The following SULT1B1 variants were observed in gnomAD, a reference collection of about 807,000 sequenced individuals.
The protein encoded by SULT1B1 is sulfotransferase 1B1.
Under a neutral mutation model 34.6 loss-of-function variants are expected in SULT1B1, and 28 were observed. The ratio of observed to expected loss-of-function variants is 0.81; its 90% CI spans 0.60 to 1.11. The LOEUF (loss-of-function observed/expected upper bound fraction) is 1.11. SULT1B1 is among the 50% of genes least tolerant of loss of function. The pLI, the probability that SULT1B1 is intolerant of heterozygous loss-of-function variation, is 0.00. For missense variants in SULT1B1, 374 were observed against 352.2 expected, an observed-to-expected ratio of 1.06 and a Z score of -0.50; for synonymous variants, 147 against 110.2, an observed-to-expected ratio of 1.33 and a Z score of -2.09.
intron 1 of SULT1B1, among the ~76,000 whole-genome samples, chr4:69,756,398 C>T (rs1232722390): frequency 6.6e-6 from 1 of 152,036 alleles, no homozygotes; most frequent in Non-Finnish European, 1.5e-5. Context: ...AGACATTTGG[C>T]CAAACACTAC....
At chr4:69,745,568 C>T (rs978286073) in intron 4 of SULT1B1, among the ~76,000 whole-genome samples, 1 of 152,154 alleles carries the variant, frequency 6.6e-6, no homozygotes, top group African/African-American at 2.4e-5. Flanking sequence ...ATATATTTCT[C>T]CATCCCTTTA....
Position 69,730,682 on chromosome 4 carries a change from C to A in SULT1B1, c.598-1G>T, listed in dbSNP as rs772036995. 10 of 1,610,052 alleles carry A rather than the reference C, an allele frequency of 6.2e-6. No individual in the cohort carries two copies. In the South Asian group the frequency reaches 9.9e-5, roughly 16 times the overall value. On this transcript the variant is annotated splice_acceptor_variant, in intron 6 of 7. Transcript: ENST00000310613. LOFTEE classifies it high-confidence loss of function. Reference sequence around the variant, plus strand: ...TCTTCTTGATTTCCTCCTTTGGATTCTATTAGTGGGTAAAACCCAAGACAA... The same window carrying A: ...TCTTCTTGATTTCCTCCTTTGGATTATATTAGTGGGTAAAACCCAAGACAA...
In SULT1B1 at chr4:69,749,727, A is replaced by G; in HGVS notation, c.369T>C (p.Asn123=). The change falls in exon 4 of 8, where the codon AAT becomes AAC. Residue 123 remains asparagine (N), a synonymous_variant. Coordinates refer to ENST00000310613, the MANE Select transcript of SULT1B1 (RefSeq NM_014465.4). ...CATGGAGTCTGGAGTATACCTTGCAATTGTTTTCCCAGAAAGATTTAGGAA... is the reference window on the plus strand; with the variant it reads ...CATGGAGTCTGGAGTATACCTTGCAGTTGTTTTCCCAGAAAGATTTAGGAA... ...DLLPKSFWEN[N]CKMIYLARNA... is the part of the protein sequence containing the mutation. 6.2e-7 allele frequency: 1 copy of G among 1,612,882 alleles called. No homozygotes were observed. The highest frequency in any genetic ancestry group is 1.1e-5 in the South Asian group (1 of 91,056).
At chr4:69,730,933 G>A (rs768199744) in intron 6 of SULT1B1, among the ~76,000 whole-genome samples, 1 of 152,118 alleles carries the variant, frequency 6.6e-6, no homozygotes, top group Non-Finnish European at 1.5e-5. Context: ...TCAGTGGTTA[G>A]AATGAGTAAA....
At chr4:69,740,782 T>C (rs1376446720) in intron 4 of SULT1B1, among the ~76,000 whole-genome samples, 2 of 152,218 alleles carry the variant, frequency 1.3e-5, no homozygotes, top group East Asian at 3.8e-4. Flanking sequence ...ATTGGGTTGT[T>C]TTCTGCTCAT....
chr4:69,742,986 C>T (rs1015496186), intron 4 of SULT1B1, among the ~76,000 whole-genome samples: 6 of 152,192 alleles, frequency 3.9e-5, no homozygotes, highest in Admixed American at 1.3e-4. Context: ...CTTGGAGACA[C>T]CAGGAACCAC....
chr4:69,755,312 C>T (rs1006268120), intron 1 of SULT1B1, 51 bp from the exon 2 acceptor site: 2 of 1,374,794 alleles, frequency 1.5e-6, no homozygotes, highest in African/African-American at 1.5e-5. Context: ...TAATGTTGGT[C>T]TTAAGACACT....
At chr4:69,746,460 C>T (rs1009183437) in intron 4 of SULT1B1, among the ~76,000 whole-genome samples, 1 of 152,140 alleles carries the variant, frequency 6.6e-6, no homozygotes, top group African/African-American at 2.4e-5. Context: ...AGTCTTCCAT[C>T]TCTGATATTC....
chr4:69,755,367 A>T, intron 1 of SULT1B1, 106 bp from the exon 2 acceptor site: 1 of 779,820 alleles, frequency 1.3e-6, no homozygotes. Flanking sequence ...TTCTGCGCAC[A>T]TGGAGATCTA....
intron 1 of SULT1B1, among the ~76,000 whole-genome samples, chr4:69,756,984 C>G (rs1011074788): frequency 6.6e-6 from 1 of 150,918 alleles, no homozygotes; most frequent in South Asian, 2.1e-4. Context: ...CACACAGACA[C>G]ACACACACAC....
At chr4:69,748,676 G>A (rs562352451) in intron 4 of SULT1B1, among the ~76,000 whole-genome samples, 36 of 152,132 alleles carry the variant, frequency 2.4e-4, no homozygotes, top group Admixed American at 2.0e-3. Flanking sequence ...TGACTAAAAC[G>A]GAATAAAATT....
chr4:69,731,603 AT>A (rs1360227908), intron 6 of SULT1B1, among the ~76,000 whole-genome samples: 1 of 152,106 alleles, frequency 6.6e-6, no homozygotes, highest in African/African-American at 2.4e-5. Flanking sequence ...TTTTTTTCAA[AT>A]TTTATTATTG....
rs559690959 is a variant in SULT1B1, at chr4:69,756,391, C to T, written c.-44-1130G>A. 9.7e-4 allele frequency among the ~76,000 whole-genome samples: 147 copies of T among 152,244 alleles called. No homozygotes were observed. The Middle Eastern group carries it at 0.027, about 28-fold the overall frequency. On this transcript the variant is annotated intron_variant, in intron 1 of 7. Coordinates refer to ENST00000310613, the MANE Select transcript of SULT1B1 (RefSeq NM_014465.4). The stretch of plus-strand genomic sequence containing the variant: ...CTGACTGTGCCAAGGAGTCCCCAGA[C>T]ATTTGGCCAAACACTACTCAGAGTG...
chr4:69,748,817 G>A (rs1441914220), intron 4 of SULT1B1, among the ~76,000 whole-genome samples: 1 of 152,060 alleles, frequency 6.6e-6, no homozygotes. Context: ...GAGTGCAATT[G>A]AAAGCATGAC....
intron 1 of SULT1B1, among the ~76,000 whole-genome samples, chr4:69,757,696 T>C (rs1258920502): frequency 6.6e-6 from 1 of 152,128 alleles, no homozygotes; most frequent in East Asian, 1.9e-4. Flanking sequence ...CATTCATGGG[T>C]TTTACAGAAA....
rs187631470 is a variant in SULT1B1, at chr4:69,723,941, A to C, written c.*3147T>G. 1 of 152,456 alleles carries C rather than the reference A, an allele frequency of 6.6e-6. No individual in the cohort carries two copies. Among genetic ancestry groups the C allele is most frequent in the Admixed American group, 6.5e-5 (1 of 15,306 alleles). 9.4% of individuals were successfully genotyped at this position (152,456 alleles called of 1,614,324 possible). A position where few individuals can be genotyped will look rare whatever the true frequency, so the allele number is the denominator to read the frequency against. On this transcript the variant is annotated 3_prime_UTR_variant, in exon 8 of 8. Transcript: ENST00000310613. ...TCATACTGCATGGGCAAAACCTGGA[A>C]GCATTCCCTTTGAAAACTGGCACAA...
In SULT1B1 at chr4:69,723,589, C is replaced by T. The variant is rs1269312751; in HGVS notation, c.*3499G>A. On this transcript the variant is annotated 3_prime_UTR_variant, in exon 8 of 8. Coordinates refer to ENST00000310613, the MANE Select transcript of SULT1B1 (RefSeq NM_014465.4). ...CACAACAAAAAAAGAGAATTTTAGACCAATAACCCTGATGAACATTGATGC... is the reference window on the plus strand; with the variant it reads ...CACAACAAAAAAAGAGAATTTTAGATCAATAACCCTGATGAACATTGATGC... 6.6e-6 allele frequency: 1 copy of T among 152,162 alleles called. No homozygotes were observed. Among genetic ancestry groups the T allele is most frequent in the African/African-American group, 2.4e-5 (1 of 41,422 alleles). 9.4% of individuals were successfully genotyped at this position (152,162 alleles called of 1,614,324 possible).
chr4:69,744,955 C>CT (rs530876480), intron 4 of SULT1B1, among the ~76,000 whole-genome samples: 1 of 152,082 alleles, frequency 6.6e-6, no homozygotes, highest in South Asian at 2.1e-4. Flanking sequence ...GTTTCAAAGA[C>CT]TTTTTTAAAA....
chr4:69,722,871 G>A lies in SULT1B1; in HGVS notation c.*4217C>T, dbSNP rs760737446. On this transcript the variant is annotated 3_prime_UTR_variant, in exon 8 of 8. Coordinates refer to ENST00000310613, the MANE Select transcript of SULT1B1 (RefSeq NM_014465.4). ...AAAACCACCACCCCCACCCCTTTCAGAACAAGTAAGGGCCCAGGGTACTGT... is the reference window on the plus strand; with the variant it reads ...AAAACCACCACCCCCACCCCTTTCAAAACAAGTAAGGGCCCAGGGTACTGT... 1.3e-5 allele frequency: 2 copies of A among 151,646 alleles called. No individual in the cohort carries two copies. Among genetic ancestry groups the A allele is most frequent in the Non-Finnish European group, 2.9e-5 (2 of 67,992 alleles). The allele number at this position is 151,646 out of a possible 1,614,324, so 9.4% of individuals were successfully genotyped here. A position where few individuals can be genotyped will look rare whatever the true frequency, so the allele number is the denominator to read the frequency against.
Sources: allele counts gnomAD v4.1 joint callset (sites outside exome capture counted in the v4.1 genomes callset), GRCh38; gene constraint gnomAD v4.1.1; transcripts MANE v1.5; gene names NCBI Gene and HGNC (gene_info 2026-07-23, HGNC 2026-07-21).